Variants in NCALD observed in about 807,000 individuals in gnomAD.
The protein encoded by NCALD is neurocalcin-delta.
A neutral mutation model predicts 18.6 loss-of-function variants in NCALD; 10 were observed. That is an observed-to-expected ratio of 0.54 (90% CI 0.33 to 0.91). NCALD has a LOEUF of 0.91. Ranked by LOEUF, NCALD falls within the 40% of genes least tolerant of loss-of-function variation. The probability of loss-of-function intolerance (pLI) is 0.03; values close to 1 mark genes in which losing one functional copy is unlikely to be tolerated. For missense variants in NCALD, 184 were observed against 247.6 expected, an observed-to-expected ratio of 0.74 and a Z score of 1.72; for synonymous variants, 88 against 87.4, an observed-to-expected ratio of 1.01 and a Z score of -0.04.
chr8:101,802,266 G>A (rs1170999647), intron 4 of NCALD, among the ~76,000 whole-genome samples: 4 of 152,124 alleles, frequency 2.6e-5, no homozygotes, highest in Non-Finnish European at 4.4e-5. Flanking sequence ...ATTGATAGAT[G>A]TGTGTGTTCT....
chr8:101,902,095 C>A (rs1457425427), intron 3 of NCALD, among the ~76,000 whole-genome samples: 1 of 152,168 alleles, frequency 6.6e-6, no homozygotes, highest in Non-Finnish European at 1.5e-5. Flanking sequence ...CCACTACATT[C>A]TTTTCTCTTG....
chr8:101,956,293 G>A lies in NCALD; in HGVS notation c.-156-40435C>T, dbSNP rs532557001. ...CTCAGGCTGGTTACATGCCAAGCAT[G>A]GAAAGGTAACATGTTTTAGAATGTG... On this transcript the variant is annotated intron_variant, in intron 2 of 6. Coordinates refer to the NCALD transcript ENST00000311028. 2.0e-5 allele frequency among the ~76,000 whole-genome samples: 3 copies of A among 152,182 alleles called. No homozygotes were observed. The South Asian group carries it at 6.2e-4, about 32-fold the overall frequency.
intron 2 of NCALD, among the ~76,000 whole-genome samples, chr8:102,006,993 G>C (rs1387636051): frequency 1.3e-5 from 2 of 152,152 alleles, no homozygotes; most frequent in Non-Finnish European, 2.9e-5. Flanking sequence ...CCCTGGCTTT[G>C]AAAGAGCAAT....
chr8:101,939,133 G>A (rs1818864626), intron 2 of NCALD, among the ~76,000 whole-genome samples: 1 of 152,172 alleles, frequency 6.6e-6, no homozygotes, highest in South Asian at 2.1e-4. Context: ...AGTCCTTGAT[G>A]TCTTTCAATA....
chr8:102,054,713 G>GATAC (rs1563578295), intron 1 of NCALD, among the ~76,000 whole-genome samples: 1 of 106,460 alleles, frequency 9.4e-6, no homozygotes, highest in Admixed American at 1.0e-4. Flanking sequence ...TAGATAGATA[G>GATAC]ATAGATATCC....
At chr8:101,771,819 T>G (rs1811595873) in intron 1 of NCALD, among the ~76,000 whole-genome samples, 1 of 152,208 alleles carries the variant, frequency 6.6e-6, no homozygotes, top group Non-Finnish European at 1.5e-5. Context: ...GTCAGTTGGG[T>G]ACTTAACCCT....
At chr8:102,066,721 G>A (rs1285918359) in intron 1 of NCALD, among the ~76,000 whole-genome samples, 1 of 152,168 alleles carries the variant, frequency 6.6e-6, no homozygotes, top group East Asian at 1.9e-4. Context: ...ATTCTTTTTT[G>A]TACTCTGGGA....
At chr8:101,879,068 C>A (rs1470984593) in intron 4 of NCALD, among the ~76,000 whole-genome samples, 1 of 152,202 alleles carries the variant, frequency 6.6e-6, no homozygotes, top group East Asian at 1.9e-4. Context: ...ATTGCCACAG[C>A]ATCCAAATGT....
At chr8:101,702,113 A>G (rs545637628) in intron 2 of NCALD, among the ~76,000 whole-genome samples, 4 of 152,188 alleles carry the variant, frequency 2.6e-5, no homozygotes, top group Non-Finnish European at 5.9e-5. Flanking sequence ...GTTCCATGTA[A>G]GATTTCACGT....
Position 101,689,228 on chromosome 8 carries a change from C to CAA in NCALD, c.*79_*80dup, listed in dbSNP as rs202125406. On this transcript the variant is annotated 3_prime_UTR_variant, in exon 4 of 4. Coordinates refer to ENST00000220931, the MANE Select transcript of NCALD (RefSeq NM_032041.3). This position sits in a 1 kb window ranked among gnomAD's most constrained non-coding sequence, Gnocchi z 4.4. ...CGGCATCACCATTGATATTGTTTGG[C>CAA]AAAAAAAAAAAAAAATTGTTAAAAA... The CAA allele has an allele frequency of 1.2e-3, 1,400 of 1,165,758 alleles. No homozygotes were observed. The highest frequency in any genetic ancestry group is 1.4e-3 in the Non-Finnish European group (1,200 of 834,774). 72.2% of individuals were successfully genotyped at this position (1,165,758 alleles called of 1,614,324 possible). A position where few individuals can be genotyped will look rare whatever the true frequency, so the allele number is the denominator to read the frequency against.
intron 1 of NCALD, among the ~76,000 whole-genome samples, chr8:102,073,277 G>T (rs1277693483): frequency 6.6e-6 from 1 of 151,844 alleles, no homozygotes; most frequent in Non-Finnish European, 1.5e-5. Context: ...TTGCAGCCTG[G>T]GCAACACAGT....
chr8:102,014,185 T>G (rs919424508), intron 2 of NCALD, among the ~76,000 whole-genome samples: 2 of 152,194 alleles, frequency 1.3e-5, no homozygotes, highest in African/African-American at 4.8e-5. Flanking sequence ...ATAAGCAACA[T>G]TTATTGCTCA....
In NCALD at chr8:101,687,824, T is replaced by C. The variant is rs774765238; in HGVS notation, c.*1485A>G. On this transcript the variant is annotated 3_prime_UTR_variant, in exon 4 of 4. Transcript: ENST00000220931. ...ACTCTTAGCTTTCAATTCAAATTAG[T>C]GTGTCTGAGGTCACCAGACCAAACA... 5 of 152,230 alleles carry C rather than the reference T, an allele frequency of 3.3e-5. No individual in the cohort carries two copies. The highest frequency in any genetic ancestry group is 7.3e-5 in the Non-Finnish European group (5 of 68,050). 9.4% of individuals were successfully genotyped at this position (152,230 alleles called of 1,614,324 possible).
chr8:101,850,499 G>A (rs182745214), intron 4 of NCALD, among the ~76,000 whole-genome samples: 91 of 152,268 alleles, frequency 6.0e-4, no homozygotes, highest in Non-Finnish European at 6.6e-4. Context: ...TTGAATGCAA[G>A]TCTACCCAGG....
At chr8:101,985,642 AAAGG>A (rs1420152584) in intron 2 of NCALD, among the ~76,000 whole-genome samples, 1 of 152,212 alleles carries the variant, frequency 6.6e-6, no homozygotes, top group African/African-American at 2.4e-5. Context: ...TAGAAAAATT[AAAGG>A]AAGAAAGAGG....
intron 2 of NCALD, among the ~76,000 whole-genome samples, chr8:101,963,522 T>C (rs974918670): frequency 1.1e-4 from 16 of 152,314 alleles, no homozygotes; most frequent in African/African-American, 3.4e-4. Flanking sequence ...ACAGAACTGC[T>C]GCCGGACAGA....
At chr8:102,116,161 G>A (rs1298598516) in intron 1 of NCALD, among the ~76,000 whole-genome samples, 2 of 152,152 alleles carry the variant, frequency 1.3e-5, no homozygotes, top group African/African-American at 4.8e-5. Context: ...TAATGTAAAT[G>A]ATGAGTTAAT....
intron 1 of NCALD, among the ~76,000 whole-genome samples, chr8:102,052,982 T>C (rs548646045): frequency 1.3e-5 from 2 of 152,344 alleles, no homozygotes; most frequent in African/African-American, 4.8e-5. Context: ...AAAACAAGTA[T>C]TGGGCCAGAC....
chr8:101,970,153 T>C (rs1820186186), intron 2 of NCALD, among the ~76,000 whole-genome samples: 1 of 152,208 alleles, frequency 6.6e-6, no homozygotes, highest in African/African-American at 2.4e-5. Flanking sequence ...TCACAGATCA[T>C]TTCTTAGCCC....
Sources: allele counts gnomAD v4.1 joint callset (sites outside exome capture counted in the v4.1 genomes callset), GRCh38; gene constraint gnomAD v4.1.1; non-coding constraint Gnocchi (gnomAD v3.1); transcripts MANE v1.5; gene names NCBI Gene and HGNC (gene_info 2026-07-23, HGNC 2026-07-21).